CAP2: variants seen among roughly 807,000 people sequenced by gnomAD.
CAP2 encodes the protein cyclase associated actin cytoskeleton regulatory protein 2, also known as adenylyl cyclase-associated protein 2.
CAP2 carries 24 observed loss-of-function variants against 57.7 expected under a neutral mutation model. The observed-to-expected ratio is 0.42, with a 90% CI of 0.30 to 0.58. The LOEUF is 0.58. Among genes scored for constraint, CAP2 ranks in the 20% least tolerant of loss-of-function variants. CAP2 has a pLI of 0.22. For missense variants in CAP2, 501 were observed against 590.3 expected (o/e 0.85, Z 1.57); for synonymous variants, 194 against 207.2 (o/e 0.94, Z 0.55).
intron 4 of CAP2, among the ~76,000 whole-genome samples, chr6:17,487,793 T>TTTTG (rs1168225584): frequency 1.3e-5 from 2 of 151,922 alleles, no homozygotes; most frequent in Non-Finnish European, 2.9e-5. Context: ...TTTTGTTTTG[T>TTTTG]TTTGAGACAG....
intron 1 of CAP2, among the ~76,000 whole-genome samples, chr6:17,405,259 T>A (rs1360359780): frequency 6.6e-6 from 1 of 151,538 alleles, no homozygotes; most frequent in Admixed American, 6.6e-5. Flanking sequence ...TAGACGCTTG[T>A]TAATCCCAGC....
intron 6 of CAP2, among the ~76,000 whole-genome samples, chr6:17,512,552 A>G (rs1762183309): frequency 6.6e-6 from 1 of 152,220 alleles, no homozygotes; most frequent in Non-Finnish European, 1.5e-5. Context: ...AATAATAGCT[A>G]TGTGTATACT....
chr6:17,555,285 C>T (rs1182292273), intron 12 of CAP2, among the ~76,000 whole-genome samples: 1 of 152,022 alleles, frequency 6.6e-6, no homozygotes, highest in Admixed American at 6.6e-5. Context: ...AGCTCTGCCT[C>T]ATGGGTTCAA....
intron 4 of CAP2, among the ~76,000 whole-genome samples, chr6:17,502,390 G>A (rs548942610): frequency 3.5e-4 from 53 of 152,286 alleles, no homozygotes; most frequent in South Asian, 1.2e-3. Context: ...TGAAAGTCAG[G>A]ATGAACTGGT....
intron 7 of CAP2, among the ~76,000 whole-genome samples, chr6:17,521,915 T>C (rs1581592175): frequency 6.6e-6 from 1 of 152,050 alleles, no homozygotes; most frequent in Middle Eastern, 3.4e-3. Flanking sequence ...TCGAGACCAG[T>C]GTTGCCAACA....
At chr6:17,529,653 T>C (rs59287149) in intron 7 of CAP2, among the ~76,000 whole-genome samples, 1 of 113,328 alleles carries the variant, frequency 8.8e-6, no homozygotes, top group African/African-American at 3.7e-5. Flanking sequence ...AAAAAAAAAA[T>C]ATATATATAT....
chr6:17,539,267 A>G lies in CAP2; in HGVS notation c.637-2A>G, dbSNP rs780881262. 1 of 1,604,470 alleles carries G rather than the reference A, an allele frequency of 6.2e-7. No individual in the cohort carries two copies. The highest frequency in any genetic ancestry group is 8.5e-7 in the Non-Finnish European group (1 of 1,174,224). ...GCAATGCCCTGTCTTCTGTCTTCTC[A>G]GGGTCCTGTAGCATCCACAGTATCA... On this transcript the variant is annotated splice_acceptor_variant, in intron 7 of 12. Coordinates refer to ENST00000229922, the MANE Select transcript of CAP2 (RefSeq NM_006366.3). LOFTEE classifies it high-confidence loss of function.
At chr6:17,424,889 G>T (rs987881654) in intron 2 of CAP2, among the ~76,000 whole-genome samples, 1 of 152,162 alleles carries the variant, frequency 6.6e-6, no homozygotes, top group East Asian at 1.9e-4. Context: ...ATCCCCGCTC[G>T]GGCCTCTTCC....
At position 17,537,500 on chromosome 6, in the gene CAP2, A is replaced by ATGTTTTGTTT. The variant is rs141851337; in HGVS notation, c.637-1757_637-1748dup. The stretch of plus-strand genomic sequence containing the variant: ...CATGAGCCACCATGCCCGAGCCAGC[A>ATGTTTTGTTT]TGTTTTGTTTTGTTTTGTTTTTAAC... On this transcript the variant is annotated intron_variant, in intron 7 of 12. Coordinates refer to ENST00000229922, the MANE Select transcript of CAP2 (RefSeq NM_006366.3). 2.6e-5 allele frequency among the ~76,000 whole-genome samples: 4 copies of ATGTTTTGTTT among 151,910 alleles called. No homozygotes were observed. The South Asian group carries it at 6.2e-4, about 24-fold the overall frequency.
intron 4 of CAP2, among the ~76,000 whole-genome samples, chr6:17,484,985 A>G (rs1407927487): frequency 1.3e-5 from 2 of 152,238 alleles, no homozygotes; most frequent in South Asian, 2.1e-4. Context: ...AAATGATTCC[A>G]AAATGCCAAA....
intron 12 of CAP2, 42 bp downstream of exon 12, chr6:17,551,646 C>A: frequency 6.8e-7 from 1 of 1,478,938 alleles, no homozygotes; most frequent in Non-Finnish European, 9.2e-7. Context: ...TTTCTGGAGC[C>A]TTCATTATTA....
Position 17,463,205 on chromosome 6 carries a change from C to A in CAP2, c.300+132C>A, listed in dbSNP as rs1760775063. On this transcript the variant is annotated intron_variant, in intron 4 of 12. Coordinates refer to ENST00000229922, the MANE Select transcript of CAP2 (RefSeq NM_006366.3). ...GACTTACAGCACGTGTATGTTCTGT[C>A]TCTAATCTGGATCATGGTATAGAAC... The A allele has an allele frequency of 6.2e-6, 4 of 641,404 alleles. No homozygotes were observed. The Admixed American group carries it at 7.6e-5, about 12-fold the overall frequency. The allele number at this position is 641,404 out of a possible 1,614,324, so 39.7% of individuals were successfully genotyped here.
intron 4 of CAP2, among the ~76,000 whole-genome samples, chr6:17,466,008 C>T (rs577196374): frequency 5.9e-5 from 9 of 152,246 alleles, no homozygotes; most frequent in South Asian, 2.1e-4. Context: ...GTGGATCTGC[C>T]GTACAAGATC....
chr6:17,521,508 G>T (rs34014968), intron 7 of CAP2, among the ~76,000 whole-genome samples: 22,033 of 152,154 alleles, frequency 0.14, 2,092 homozygotes, highest in East Asian at 0.35. Context: ...TGTGAGTTCA[G>T]CCTGACAGAG....
At chr6:17,547,280 A>G (rs78815263) in intron 11 of CAP2, among the ~76,000 whole-genome samples, 1,982 of 152,284 alleles carry the variant, frequency 0.013, 46 homozygotes, top group African/African-American at 0.046. Flanking sequence ...ACTCATGTAA[A>G]CACATATATA....
intron 1 of CAP2, among the ~76,000 whole-genome samples, chr6:17,416,433 C>G (rs1759277491): frequency 6.6e-6 from 1 of 152,162 alleles, no homozygotes; most frequent in African/African-American, 2.4e-5. Flanking sequence ...TAGTATACCT[C>G]CTGGCTCAGA....
In CAP2 at chr6:17,438,433, GTTTTT is replaced by G. The variant is rs773266583; in HGVS notation, c.222+11762_222+11766del. Among the ~76,000 whole-genome samples, 198 of 58,364 alleles carry G rather than the reference GTTTTT, an allele frequency of 3.4e-3. 2 individuals are homozygous for G. The highest frequency in any genetic ancestry group is 0.019 in the African/African-American group (191 of 9,972). The allele number at this position is 58,364 out of a possible 152,430, so 38.3% of individuals were successfully genotyped here. ...TTTGCTTGTTTGACCATCCAGAAGT[GTTTTT>G]TTTTTTTTTTTTTTTTTTGAGACGG... On this transcript the variant is annotated intron_variant, in intron 3 of 12. Transcript: ENST00000229922.
At position 17,553,195 on chromosome 6, in the gene CAP2, A is replaced by G. The variant is rs548004665; in HGVS notation, c.1350+1591A>G. Among the ~76,000 whole-genome samples, 3 of 152,332 alleles carry G rather than the reference A, an allele frequency of 2.0e-5. No individual in the cohort carries two copies. In the South Asian group the frequency reaches 6.2e-4, roughly 32 times the overall value. ...AGTGGGATTTGGATGAACACTGCAGACTAATGAAGCTGGAATCTATGGGCG... is the reference window on the plus strand; with the variant it reads ...AGTGGGATTTGGATGAACACTGCAGGCTAATGAAGCTGGAATCTATGGGCG... On this transcript the variant is annotated intron_variant, in intron 12 of 12. Coordinates refer to ENST00000229922, the MANE Select transcript of CAP2 (RefSeq NM_006366.3).
chr6:17,498,045 A>T (rs1036969927), intron 4 of CAP2, among the ~76,000 whole-genome samples: 4 of 152,236 alleles, frequency 2.6e-5, no homozygotes, highest in African/African-American at 9.6e-5. Flanking sequence ...TATCCTTCGG[A>T]AAAGTGTCAG....
Sources: gnomAD v4.1 joint callset for allele counts (sites outside exome capture counted in the v4.1 genomes callset) on GRCh38, gnomAD v4.1.1 for gene constraint, MANE v1.5 for transcripts, NCBI Gene and HGNC (gene_info 2026-07-23, HGNC 2026-07-21) for gene names.